Variants in BCL2L14 observed in about 807,000 individuals in gnomAD.
BCL2L14 encodes apoptosis facilitator Bcl-2-like protein 14.
BCL2L14 carries 27 observed loss-of-function variants against 35.3 expected under a neutral mutation model. The observed-to-expected ratio is 0.76, with a 90% CI of 0.56 to 1.05. BCL2L14 has a LOEUF of 1.05. Among genes scored for constraint, BCL2L14 ranks in the 50% least tolerant of loss-of-function variants. BCL2L14 has a pLI of 0.00. For missense variants in BCL2L14, 377 were observed against 382.6 expected (o/e 0.99, Z 0.12); for synonymous variants, 139 against 145.9 (o/e 0.95, Z 0.34).
At position 12,060,418 on chromosome 12, in the gene BCL2L14, A is replaced by T. The variant is rs1948506199; in HGVS notation, c.-272+8571A>T. Among the ~76,000 whole-genome samples, 2 of 78,852 alleles carry T rather than the reference A, an allele frequency of 2.5e-5. 1 individual carries two copies. Among genetic ancestry groups the T allele is most frequent in the Non-Finnish European group, 5.0e-5 (2 of 39,674 alleles). The allele number at this position is 78,852 out of a possible 152,430, so 51.7% of individuals were successfully genotyped here. ...CAAAAGGCCGTCTTATTCTCAAAATACATTTTATTACCCAATCTGCTCCCG... is the reference window on the plus strand; with the variant it reads ...CAAAAGGCCGTCTTATTCTCAAAATTCATTTTATTACCCAATCTGCTCCCG... On this transcript the variant is annotated intron_variant, in intron 2 of 3. Transcript: ENST00000461264.
At chr12:12,072,881 T>C (rs1021490477) in intron 1 of BCL2L14, among the ~76,000 whole-genome samples, 11 of 151,910 alleles carry the variant, frequency 7.2e-5, no homozygotes, top group Admixed American at 2.0e-4. Context: ...GGTGGGTTTT[T>C]TTTTTTCTTT....
At chr12:12,077,183 A>G (rs998226305) in intron 1 of BCL2L14, among the ~76,000 whole-genome samples, 36 of 152,168 alleles carry the variant, frequency 2.4e-4, no homozygotes, top group African/African-American at 8.0e-4. Context: ...AGCAGCTTAC[A>G]TGCCGAAAGA....
At chr12:12,091,616 G>A (rs1436782439) in intron 4 of BCL2L14, among the ~76,000 whole-genome samples, 1 of 152,176 alleles carries the variant, frequency 6.6e-6, no homozygotes, top group Admixed American at 6.5e-5. Flanking sequence ...AGGTTCTGCA[G>A]GAAGACAAAC....
At chr12:12,061,600 G>C (rs56249637) in intron 2 of BCL2L14, among the ~76,000 whole-genome samples, 26,927 of 151,182 alleles carry the variant, frequency 0.18, 2,544 homozygotes, top group Admixed American at 0.23. Flanking sequence ...TCCTCAATAC[G>C]TCCCTCCACA....
At chr12:12,094,002 G>C (rs1949256078) in intron 4 of BCL2L14, among the ~76,000 whole-genome samples, 2 of 151,378 alleles carry the variant, frequency 1.3e-5, no homozygotes, top group Admixed American at 1.3e-4. Context: ...ATCTACTTGG[G>C]AGGCTGAGGC....
chr12:12,071,309 T>G (rs1345885132), intron 1 of BCL2L14, among the ~76,000 whole-genome samples, 172 bp downstream of exon 1: 1 of 152,200 alleles, frequency 6.6e-6, no homozygotes, highest in African/African-American at 2.4e-5. Flanking sequence ...GAATCTAGTT[T>G]AGCGGGGTTT....
chr12:12,057,904 G>A (rs1288620279), intron 2 of BCL2L14, among the ~76,000 whole-genome samples: 1 of 151,404 alleles, frequency 6.6e-6, no homozygotes, highest in Admixed American at 6.6e-5. Context: ...TCATGTGCTC[G>A]TGTGACCCTG....
At chr12:12,075,540 C>T (rs981222049) in intron 1 of BCL2L14, among the ~76,000 whole-genome samples, 1 of 152,100 alleles carries the variant, frequency 6.6e-6, no homozygotes, top group Non-Finnish European at 1.5e-5. Flanking sequence ...ATTCTCCTGC[C>T]TCAGCCTCCC....
intron 2 of BCL2L14, chr12:12,051,934 G>A (rs995183285): frequency 2.6e-5 from 4 of 152,176 alleles, no homozygotes; most frequent in African/African-American, 9.7e-5. Context: ...ATCTGGAAAG[G>A]TTCTAAGAAG....
chr12:12,076,328 G>C (rs574626065), intron 1 of BCL2L14, among the ~76,000 whole-genome samples: 2 of 151,704 alleles, frequency 1.3e-5, no homozygotes. Context: ...CAGAGCAAAC[G>C]ATTTGCATGT....
chr12:12,065,573 G>A (rs1565447961), intron 2 of BCL2L14, among the ~76,000 whole-genome samples: 1 of 151,790 alleles, frequency 6.6e-6, no homozygotes, highest in Non-Finnish European at 1.5e-5. Context: ...ACAAGACAAA[G>A]GGAAAGAGCT....
At chr12:12,094,989 T>TG in intron 5 of BCL2L14, 59 bp downstream of exon 5, 1 of 262,348 alleles carries the variant, frequency 3.8e-6, no homozygotes, top group Non-Finnish European at 5.9e-6. Context: ...TGGGATGGAT[T>TG]TTTTTTTTTT....
In BCL2L14 at chr12:12,094,741, G is replaced by A. The variant is rs1398204308; in HGVS notation, c.756G>A (p.Gln252=). 2.5e-6 allele frequency: 4 copies of A among 1,614,186 alleles called. No homozygotes were observed. The highest frequency in any genetic ancestry group is 2.2e-5 in the South Asian group (2 of 91,082). Residue 252 remains glutamine, a synonymous_variant, in exon 5 of 6, where the codon CAG becomes CAA. Coordinates refer to ENST00000308721, the MANE Select transcript of BCL2L14 (RefSeq NM_138723.2). ...SYSVFKTITD[Q]VLMGVDPRGE... Reference sequence around the variant, plus strand: ...CTGTTTTCAAGACCATCACAGACCAGGTCCTAATGGGTGTGGACCCCAGGG... The same window carrying A: ...CTGTTTTCAAGACCATCACAGACCAAGTCCTAATGGGTGTGGACCCCAGGG...
At chr12:12,068,211 C>CTGGG (rs1948616778), upstream of BCL2L14, 2 of 398,564 alleles carry the variant, frequency 5.0e-6, no homozygotes, top group Admixed American at 4.4e-5. Context: ...TCCCAAAGCG[C>CTGGG]TGGGATTGCA....
intron 2 of BCL2L14, among the ~76,000 whole-genome samples, chr12:12,064,066 A>C (rs1234796240): frequency 6.6e-6 from 1 of 152,136 alleles, no homozygotes; most frequent in African/African-American, 2.4e-5. Flanking sequence ...TCACATGGAC[A>C]TGCATGAAAC....
At chr12:12,096,918 T>C (rs993362017) in intron 5 of BCL2L14, among the ~76,000 whole-genome samples, 1 of 151,658 alleles carries the variant, frequency 6.6e-6, no homozygotes, top group Non-Finnish European at 1.5e-5. Context: ...CCGAGGCGGG[T>C]GGATCACGAG....
rs142096906 is a variant in BCL2L14, at chr12:12,079,387, G to A, written c.82G>A (p.Ala28Thr). 499 of 1,614,072 alleles carry A rather than the reference G, an allele frequency of 3.1e-4. 2 individuals are homozygous for A. The highest frequency in any genetic ancestry group is 1.8e-3 in the Middle Eastern group (11 of 6,062). The change falls in exon 2 of 6, where the codon GCC becomes ACC. Residue 28 changes from alanine (A) to threonine (T), a missense_variant. Coordinates refer to ENST00000308721, the MANE Select transcript of BCL2L14 (RefSeq NM_138723.2). ...DLNTIEFKIL[A>T]YYTRHHVFKS... ...AAACACCATAGAATTCAAAATCCTC[G>A]CCTACTACACCAGACATCATGTCTT... is the stretch of plus-strand genomic sequence containing the variant.
upstream of BCL2L14, among the ~76,000 whole-genome samples, chr12:12,067,473 C>T (rs1948607526): frequency 6.6e-6 from 1 of 151,968 alleles, no homozygotes; most frequent in Non-Finnish European, 1.5e-5. Flanking sequence ...ATAGCTTGAA[C>T]CCGGGAGGCA....
intron 2 of BCL2L14, among the ~76,000 whole-genome samples, chr12:12,081,628 G>A (rs189688761): frequency 2.0e-5 from 3 of 150,740 alleles, no homozygotes; most frequent in South Asian, 4.2e-4. Context: ...GTGTAATCTC[G>A]GCTCACTGCA....
Sources: allele counts gnomAD v4.1 joint callset (sites outside exome capture counted in the v4.1 genomes callset), GRCh38; gene constraint gnomAD v4.1.1; transcripts MANE v1.5; gene names NCBI Gene and HGNC (gene_info 2026-07-23, HGNC 2026-07-21).